HS3ST3A1: variants seen among roughly 807,000 people sequenced by gnomAD.
HS3ST3A1 encodes heparan sulfate-glucosamine 3-sulfotransferase 3A1.
A neutral mutation model predicts 25.7 loss-of-function variants in HS3ST3A1; 19 were observed. That is an observed-to-expected ratio of 0.74 (90% CI 0.52 to 1.08). HS3ST3A1 has a LOEUF of 1.08. HS3ST3A1 is among the 50% of genes least tolerant of loss of function. HS3ST3A1 has a pLI of 0.00. For synonymous variants in HS3ST3A1, 226 were observed against 278.6 expected (o/e 0.81, Z 1.88); for missense variants, 459 against 594.3 (o/e 0.77, Z 2.37).
At chr17:13,585,566 A>C in intron 1 of HS3ST3A1, among the ~76,000 whole-genome samples, 1 of 151,374 alleles carries the variant, frequency 6.6e-6, no homozygotes, top group Non-Finnish European at 1.5e-5. Context: ...AGCAGTTCAC[A>C]CTAAACATTT....
chr17:13,531,460 C>G (rs1281089016), intron 1 of HS3ST3A1, among the ~76,000 whole-genome samples: 1 of 152,078 alleles, frequency 6.6e-6, no homozygotes, highest in Non-Finnish European at 1.5e-5. Flanking sequence ...GTTTTGTCCC[C>G]TTTAAAAGTG....
intron 1 of HS3ST3A1, among the ~76,000 whole-genome samples, chr17:13,527,089 C>T (rs2142326723): frequency 6.6e-6 from 1 of 152,284 alleles, no homozygotes; most frequent in East Asian, 1.9e-4. Context: ...CCTGCTTTGC[C>T]TTCCTCAAGC....
At chr17:13,523,386 G>A (rs572957925) in intron 1 of HS3ST3A1, among the ~76,000 whole-genome samples, 1 of 152,150 alleles carries the variant, frequency 6.6e-6, no homozygotes, top group African/African-American at 2.4e-5. Context: ...GGATATTTGA[G>A]AGCCCACATT....
chr17:13,590,326 TA>T lies in HS3ST3A1; in HGVS notation c.599+10204del, dbSNP rs59735905. On this transcript the variant is annotated intron_variant, in intron 1 of 1. Transcript: ENST00000284110. ...CTTTAATTTAATAGCTCTGTGAGGT[TA>T]AAAAAAAAAAAAAAAACTATGCTAC... Among the ~76,000 whole-genome samples, 1,178 of 147,546 alleles carry T rather than the reference TA, an allele frequency of 8.0e-3. 12 individuals carry two copies. The highest frequency in any genetic ancestry group is 0.024 in the East Asian group (119 of 5,002).
chr17:13,548,337 C>G (rs1373775523), intron 1 of HS3ST3A1, among the ~76,000 whole-genome samples: 1 of 152,186 alleles, frequency 6.6e-6, no homozygotes, highest in Admixed American at 6.5e-5. Flanking sequence ...CTGGTCTCTT[C>G]TTTTAATAAG....
chr17:13,532,031 G>T (rs1015916657), intron 1 of HS3ST3A1, among the ~76,000 whole-genome samples: 3 of 152,176 alleles, frequency 2.0e-5, no homozygotes, highest in African/African-American at 7.2e-5. Flanking sequence ...AAAGATGAAT[G>T]ATCAGAGGCC....
chr17:13,562,053 C>T (rs1015144331), intron 1 of HS3ST3A1, among the ~76,000 whole-genome samples: 1 of 152,040 alleles, frequency 6.6e-6, no homozygotes, highest in Non-Finnish European at 1.5e-5. Flanking sequence ...CGGTTGAATT[C>T]TCAAGCAAAG....
At chr17:13,529,606 T>C (rs116296765) in intron 1 of HS3ST3A1, among the ~76,000 whole-genome samples, 438 of 152,330 alleles carry the variant, frequency 2.9e-3, no homozygotes, top group African/African-American at 9.9e-3. Context: ...GTCCACAGAC[T>C]TTAAAAGTCT....
At chr17:13,575,981 A>C (rs1460615626) in intron 1 of HS3ST3A1, among the ~76,000 whole-genome samples, 1 of 152,234 alleles carries the variant, frequency 6.6e-6, no homozygotes, top group Non-Finnish European at 1.5e-5. Flanking sequence ...GAAGCTTGTT[A>C]GAAATGCAAA....
At chr17:13,547,353 G>A (rs57535857) in intron 1 of HS3ST3A1, among the ~76,000 whole-genome samples, 6,557 of 152,172 alleles carry the variant, frequency 0.043, 172 homozygotes, top group African/African-American at 0.074. Flanking sequence ...CAGGGGAACG[G>A]GTTGCCAGAA....
At position 13,495,255 on chromosome 17, in the gene HS3ST3A1, T is replaced by G. The variant is rs911417218; in HGVS notation, c.*942A>C. 6.6e-6 allele frequency among the ~76,000 whole-genome samples: 1 copy of G among 152,138 alleles called. No homozygotes were observed. Among genetic ancestry groups the G allele is most frequent in the Non-Finnish European group, 1.5e-5 (1 of 68,030 alleles). ...CCTTGTCCTCCATGCAAGAATCCAA[T>G]AATTCCTCTCCAATTCAATCAAGCA... On this transcript the variant is annotated 3_prime_UTR_variant, in exon 2 of 2. Coordinates refer to ENST00000284110, the MANE Select transcript of HS3ST3A1 (RefSeq NM_006042.3).
intron 1 of HS3ST3A1, among the ~76,000 whole-genome samples, chr17:13,503,187 A>T (rs9902595): frequency 3.7e-4 from 56 of 151,460 alleles, no homozygotes; most frequent in African/African-American, 1.3e-3. Context: ...AAAAAAAAAA[A>T]AAAAGAAAAA....
At chr17:13,534,212 TG>T (rs1305747265) in intron 1 of HS3ST3A1, among the ~76,000 whole-genome samples, 2 of 152,070 alleles carry the variant, frequency 1.3e-5, no homozygotes, top group African/African-American at 4.8e-5. Context: ...TAACTTACAG[TG>T]TTACTGAGAA....
chr17:13,548,512 T>C (rs10521226), intron 1 of HS3ST3A1, among the ~76,000 whole-genome samples: 66,599 of 152,000 alleles, frequency 0.44, 16,180 homozygotes, highest in African/African-American at 0.66. Context: ...TGTGTCTTAA[T>C]ATCTTAGATA....
intron 1 of HS3ST3A1, among the ~76,000 whole-genome samples, chr17:13,591,261 G>C (rs898377693): frequency 1.3e-5 from 2 of 151,888 alleles, no homozygotes; most frequent in African/African-American, 2.4e-5. Context: ...TGCCCAGGCT[G>C]GTCTCGAATT....
intron 1 of HS3ST3A1, among the ~76,000 whole-genome samples, chr17:13,512,305 C>CAAAAAAAAAAAAAAAAAAA (rs67523378): frequency 1.2e-5 from 1 of 82,116 alleles, no homozygotes; most frequent in African/African-American, 6.0e-5. Flanking sequence ...GACTCCGTCT[C>CAAAAAAAAAAAAAAAAAAA]AAAAAAAAAA....
At chr17:13,570,753 A>C (rs1598429311) in intron 1 of HS3ST3A1, among the ~76,000 whole-genome samples, 1 of 152,248 alleles carries the variant, frequency 6.6e-6, no homozygotes, top group East Asian at 1.9e-4. Flanking sequence ...TACGGGGGTG[A>C]GCCACTGTGT....
At chr17:13,585,920 G>T (rs1251388934) in intron 1 of HS3ST3A1, among the ~76,000 whole-genome samples, 1 of 142,036 alleles carries the variant, frequency 7.0e-6, no homozygotes, top group East Asian at 2.1e-4. Flanking sequence ...CGCAATCTCG[G>T]CTCACTGCAA....
In HS3ST3A1 at chr17:13,565,062, C is replaced by G. The variant is rs77233436; in HGVS notation, c.599+35469G>C. The stretch of plus-strand genomic sequence containing the variant: ...TTTCTATCATCTTATTTGATGCTTT[C>G]TATGTACTATGTCTGTTTGTTTTTT... On this transcript the variant is annotated intron_variant, in intron 1 of 1. Transcript: ENST00000284110. Among the ~76,000 whole-genome samples, 386 of 152,146 alleles carry G rather than the reference C, an allele frequency of 2.5e-3. 1 individual carries two copies. Among genetic ancestry groups the G allele is most frequent in the African/African-American group, 9.0e-3 (374 of 41,518 alleles).
Sources: allele counts gnomAD v4.1 joint callset (sites outside exome capture counted in the v4.1 genomes callset), GRCh38; gene constraint gnomAD v4.1.1; transcripts MANE v1.5; gene names NCBI Gene and HGNC (gene_info 2026-07-23, HGNC 2026-07-21).